MX2: variants seen among roughly 807,000 people sequenced by gnomAD.
The protein encoded by MX2 is interferon-induced GTP-binding protein Mx2.
A neutral mutation model predicts 74.0 loss-of-function variants in MX2; 51 were observed. The observed-to-expected ratio is 0.69, with a 90% confidence interval of 0.55 to 0.87. The LOEUF (loss-of-function observed/expected upper bound fraction) is 0.87, where lower values mean the gene tolerates loss of function less well. Among genes scored for constraint, MX2 ranks in the 40% least tolerant of loss-of-function variants. The pLI is 0.00. For missense variants in MX2, 832 were observed against 908.7 expected, an observed-to-expected ratio of 0.92 and a Z score of 1.09; for synonymous variants, 369 against 339.3, an observed-to-expected ratio of 1.09 and a Z score of -0.96.
intron 3 of MX2, among the ~76,000 whole-genome samples, chr21:41,378,944 G>C (rs1366494348): frequency 1.3e-5 from 2 of 152,166 alleles, no homozygotes; most frequent in Non-Finnish European, 2.9e-5. Flanking sequence ...TGGCCGGGAG[G>C]CATCTGATGG....
Position 41,408,198 on chromosome 21 carries a change from G to A in MX2, c.2113G>A (p.Ala705Thr), listed in dbSNP as rs780046886. Residue 705 changes from alanine to threonine, a missense_variant, in exon 14 of 14, where the codon GCA becomes ACA. Physicochemically the swap from Ala to Thr is moderately conservative, Grantham distance 58 (BLOSUM62 0). Transcript: ENST00000330714. ...RIYRLTQARH[A>T]LCQFSSKEIH ...TTACCGGCTCACTCAGGCGCGACAC[G>A]CACTCTGTCAATTCTCCAGCAAAGA... is the stretch of plus-strand genomic sequence containing the variant. 41 of 1,614,168 alleles carry A rather than the reference G, an allele frequency of 2.5e-5. No individual in the cohort carries two copies. Among genetic ancestry groups the A allele is most frequent in the South Asian group, 1.8e-4 (16 of 91,082 alleles).
At chr21:41,387,280 G>T (rs907747255) in intron 5 of MX2, among the ~76,000 whole-genome samples, 1 of 152,140 alleles carries the variant, frequency 6.6e-6, no homozygotes, top group African/African-American at 2.4e-5. Flanking sequence ...AAAGATTCAT[G>T]CCTCTCCTCC....
chr21:41,393,852 C>T (rs1450485733), intron 6 of MX2, among the ~76,000 whole-genome samples: 1 of 152,198 alleles, frequency 6.6e-6, no homozygotes, highest in African/African-American at 2.4e-5. Flanking sequence ...TTCACCTCCT[C>T]TCCAAGGCTT....
Position 41,383,899 on chromosome 21 carries a change from A to G in MX2, c.732+1335A>G, listed in dbSNP as rs80012706. On this transcript the variant is annotated intron_variant, in intron 5 of 13. Transcript: ENST00000330714. ...GTTATGGGATTTCCTAGAGACTGCA[A>G]AAGATCCTTGGGTGGTGATATGGTT... Among the ~76,000 whole-genome samples the G allele has an allele frequency of 7.7e-3, 1,178 of 152,290 alleles. 20 individuals are homozygous for G. The highest frequency in any genetic ancestry group is 0.027 in the African/African-American group (1,110 of 41,546).
intron 1 of MX2, among the ~76,000 whole-genome samples, chr21:41,367,819 G>A (rs1568930054): frequency 6.6e-6 from 1 of 152,088 alleles, no homozygotes. Context: ...TCTTATCAAG[G>A]CCTTGCTGTC....
intron 1 of MX2, chr21:41,373,138 A>C (rs527597381): frequency 5.1e-4 from 78 of 152,326 alleles, no homozygotes; most frequent in African/African-American, 1.9e-3. Context: ...CTTAGCACCA[A>C]AAAAGGTGGC....
intron 12 of MX2, 177 bp downstream of exon 12, chr21:41,403,520 C>G: frequency 1.3e-6 from 1 of 750,262 alleles, no homozygotes; most frequent in South Asian, 1.4e-5. Context: ...ACCTGCCTGC[C>G]TGGCTTCTGC....
chr21:41,399,241 G>A lies in MX2; in HGVS notation c.1318G>A (p.Glu440Lys). Residue 440 changes from glutamate to lysine, a missense_variant, in exon 10 of 14, where the codon GAA becomes AAA. Physicochemically the swap from Glu to Lys is moderately conservative, Grantham distance 56. Coordinates refer to ENST00000330714, the MANE Select transcript of MX2 (RefSeq NM_002463.2). ...GGACATCGAAAAGTTAGTAGAAGGA[G>A]AAGAAGTTGTAAGGGAGAATGAGAC... ...NQDIEKLVEG[E>K]EVVRENETRL... is the part of the protein sequence containing the mutation. The A allele has an allele frequency of 6.2e-7, 1 of 1,613,950 alleles. No homozygotes were observed. Among genetic ancestry groups the A allele is most frequent in the South Asian group, 1.1e-5 (1 of 91,074 alleles).
chr21:41,375,699 C>T (rs1662119227), intron 1 of MX2, among the ~76,000 whole-genome samples: 1 of 152,222 alleles, frequency 6.6e-6, no homozygotes. Flanking sequence ...ATGATCTCAT[C>T]TCAAAATCTT....
intron 12 of MX2, among the ~76,000 whole-genome samples, chr21:41,405,289 C>A (rs527503880): frequency 6.6e-6 from 1 of 151,942 alleles, no homozygotes; most frequent in South Asian, 2.1e-4. Flanking sequence ...AAAAGAAACT[C>A]AAAGCCAGGA....
At chr21:41,383,434 T>C (rs562286252) in intron 5 of MX2, among the ~76,000 whole-genome samples, 165 of 152,192 alleles carry the variant, frequency 1.1e-3, no homozygotes, top group Non-Finnish European at 2.1e-3. Flanking sequence ...TCAAATGTGG[T>C]CCAGGAAAAC....
Position 41,408,412 on chromosome 21 carries a change from C to T in MX2, c.*179C>T. 1 of 804,796 alleles carries T rather than the reference C, an allele frequency of 1.2e-6. No homozygotes were observed. Among genetic ancestry groups the T allele is most frequent in the South Asian group, 1.9e-5 (1 of 53,664 alleles). 49.9% of individuals were successfully genotyped at this position (804,796 alleles called of 1,614,324 possible). ...GGGTCCACACAGGCTCAGCTCTCTC[C>T]ACCACCCAGCTCTTCCCTGACCTTC... is the stretch of plus-strand genomic sequence containing the variant. On this transcript the variant is annotated 3_prime_UTR_variant, in exon 14 of 14. Coordinates refer to ENST00000330714, the MANE Select transcript of MX2 (RefSeq NM_002463.2).
chr21:41,408,141 G>C lies in MX2; in HGVS notation c.2056G>C (p.Ala686Pro), dbSNP rs148873850. The change falls in exon 14 of 14, where the codon GCT becomes CCT. Residue 686 changes from alanine (A) to proline (P), a missense_variant. Ala to Pro is a conservative substitution (Grantham distance 27, BLOSUM62 -1). Coordinates refer to ENST00000330714, the MANE Select transcript of MX2 (RefSeq NM_002463.2). ...GCTGCTTCAAGAGCAGAGTGAGACC[G>C]CTACCAAGAGAAGAATCCTTAAGGA... ...SWLLQEQSETATKRRILKERI... is the reference protein window; with the variant it reads ...SWLLQEQSETPTKRRILKERI... The C allele has an allele frequency of 6.2e-7, 1 of 1,614,184 alleles. No homozygotes were observed. The highest frequency in any genetic ancestry group is 2.2e-5 in the East Asian group (1 of 44,884).
chr21:41,376,163 C>G (rs920745846), intron 1 of MX2, among the ~76,000 whole-genome samples: 2 of 152,180 alleles, frequency 1.3e-5, no homozygotes, highest in African/African-American at 2.4e-5. Flanking sequence ...TGCCTGTCAT[C>G]TCTGCACACC....
intron 1 of MX2, among the ~76,000 whole-genome samples, chr21:41,373,643 A>G (rs2089356020): frequency 1.3e-5 from 2 of 151,984 alleles, no homozygotes; most frequent in South Asian, 4.2e-4. Flanking sequence ...AAGCATCCAG[A>G]ATCCAGTCGG....
chr21:41,389,123 G>GGACGATC (rs1261673394), intron 5 of MX2, among the ~76,000 whole-genome samples: 1 of 152,006 alleles, frequency 6.6e-6, no homozygotes, highest in East Asian at 1.9e-4. Flanking sequence ...TTCAACTAAA[G>GGACGATC]GACGATCAAC....
At chr21:41,383,674 G>A (rs551658313) in intron 5 of MX2, among the ~76,000 whole-genome samples, 11 of 152,302 alleles carry the variant, frequency 7.2e-5, no homozygotes, top group African/African-American at 2.4e-4. Context: ...AGGGGTGGCA[G>A]CCCTAAGAGC....
chr21:41,400,005 G>A (rs2089789975), intron 10 of MX2, among the ~76,000 whole-genome samples: 1 of 152,228 alleles, frequency 6.6e-6, no homozygotes, highest in Non-Finnish European at 1.5e-5. Context: ...AGATGACTCT[G>A]GGGGCCAGCC....
At chr21:41,397,487 C>T in intron 7 of MX2, 126 bp from the exon 8 acceptor site, 1 of 743,258 alleles carries the variant, frequency 1.3e-6, no homozygotes, top group East Asian at 2.9e-5. Flanking sequence ...TCTTATGCAC[C>T]ACTTGGCTTT....
Sources: gnomAD v4.1 joint callset for allele counts (sites outside exome capture counted in the v4.1 genomes callset) on GRCh38, gnomAD v4.1.1 for gene constraint, MANE v1.5 for transcripts, NCBI Gene and HGNC (gene_info 2026-07-23, HGNC 2026-07-21) for gene names.